The following CFAP299 variants were observed in gnomAD, a reference collection of about 807,000 sequenced individuals.
CFAP299 encodes the protein cilia- and flagella-associated protein 299.
A neutral mutation model predicts 27.0 loss-of-function variants in CFAP299; 21 were observed. That is an observed-to-expected ratio of 0.78 (90% CI 0.55 to 1.12). The LOEUF is 1.12. CFAP299 is among the 50% of genes most tolerant of loss of function. CFAP299 has a pLI of 0.00. For synonymous variants in CFAP299, 104 were observed against 98.1 expected, an observed-to-expected ratio of 1.06 and a Z score of -0.36; for missense variants, 310 against 276.6, an observed-to-expected ratio of 1.12 and a Z score of -0.86.
At chr4:80,492,602 AAC>A (rs1036398007) in intron 2 of CFAP299, among the ~76,000 whole-genome samples, 9 of 152,342 alleles carry the variant, frequency 5.9e-5, no homozygotes, top group African/African-American at 2.2e-4. Flanking sequence ...ATTATTTAAT[AAC>A]ACTAGAATTT....
At chr4:80,539,708 A>G (rs1179071095) in intron 2 of CFAP299, among the ~76,000 whole-genome samples, 3 of 152,206 alleles carry the variant, frequency 2.0e-5, no homozygotes, top group Non-Finnish European at 4.4e-5. Flanking sequence ...AACCTTAGCA[A>G]TTAGCTTGGC....
Position 80,789,261 on chromosome 4 carries a change from G to C in CFAP299, c.334-80732G>C, listed in dbSNP as rs190772344. On this transcript the variant is annotated intron_variant, in intron 3 of 5. Transcript: ENST00000358105. Reference sequence around the variant, plus strand: ...TGTTATTGAAGCTATCCTAACCATTGCAGTCCTAAAATCTGGGCATGCCTT... The same window carrying C: ...TGTTATTGAAGCTATCCTAACCATTCCAGTCCTAAAATCTGGGCATGCCTT... 1.3e-3 allele frequency among the ~76,000 whole-genome samples: 194 copies of C among 152,018 alleles called. 2 individuals carry two copies. The highest frequency in any genetic ancestry group is 4.5e-3 in the African/African-American group (188 of 41,494).
intron 3 of CFAP299, among the ~76,000 whole-genome samples, chr4:80,631,859 G>GCT (rs1739222678): frequency 9.3e-5 from 2 of 21,470 alleles, no homozygotes; most frequent in Admixed American, 6.7e-4. Flanking sequence ...GAATATTTGT[G>GCT]CCCCACCCCC....
intron 2 of CFAP299, among the ~76,000 whole-genome samples, chr4:80,513,492 C>T (rs747696821): frequency 6.6e-6 from 1 of 152,226 alleles, no homozygotes; most frequent in Non-Finnish European, 1.5e-5. Context: ...TAATGTATTT[C>T]CTTCCTGTCA....
chr4:80,337,225 G>T (rs1360736445), intron 1 of CFAP299, among the ~76,000 whole-genome samples: 1 of 152,138 alleles, frequency 6.6e-6, no homozygotes, highest in Non-Finnish European at 1.5e-5. Context: ...TAAACATCTT[G>T]ATAGACTAAA....
chr4:80,771,035 C>G (rs1343590283), intron 3 of CFAP299, among the ~76,000 whole-genome samples: 2 of 152,014 alleles, frequency 1.3e-5, no homozygotes, highest in African/African-American at 4.8e-5. Context: ...GAATCATATC[C>G]CATCGTATTC....
rs561590256 is a variant in CFAP299 at position 80,387,720 on chromosome 4, C to G, written c.242+24836C>G. Reference sequence around the variant, plus strand: ...CACATGCAATGCATTGGAAGGGCTTCTCACCTGTGTGGCTTCAGATGTGCT... The same window carrying G: ...CACATGCAATGCATTGGAAGGGCTTGTCACCTGTGTGGCTTCAGATGTGCT... On this transcript the variant is annotated intron_variant, in intron 2 of 5. Transcript: ENST00000358105. 1.8e-5 allele frequency: 28 copies of G among 1,583,252 alleles called. No homozygotes were observed. The African/African-American group carries it at 3.1e-4, about 17-fold the overall frequency.
chr4:80,468,058 C>T (rs1376382424), intron 2 of CFAP299, among the ~76,000 whole-genome samples: 1 of 152,122 alleles, frequency 6.6e-6, no homozygotes, highest in Non-Finnish European at 1.5e-5. Context: ...AGAGCCAAAC[C>T]ATCCCTATCA....
intron 2 of CFAP299, among the ~76,000 whole-genome samples, chr4:80,385,536 T>G (rs1724927544): frequency 6.6e-6 from 1 of 151,938 alleles, no homozygotes. Context: ...GTGAGGTAGT[T>G]GTATTGTAAG....
At chr4:80,637,218 T>C (rs981341216) in intron 3 of CFAP299, among the ~76,000 whole-genome samples, 1 of 152,188 alleles carries the variant, frequency 6.6e-6, no homozygotes, top group Non-Finnish European at 1.5e-5. Context: ...AAAAGAGGTA[T>C]GGTTAATATC....
At chr4:80,446,036 G>A (rs1380935730) in intron 2 of CFAP299, among the ~76,000 whole-genome samples, 1 of 152,188 alleles carries the variant, frequency 6.6e-6, no homozygotes, top group Non-Finnish European at 1.5e-5. Flanking sequence ...GCGTGCTGGA[G>A]TGGCCAGGAG....
At chr4:80,348,858 GATAAACTAAAT>G (rs1722883127) in intron 1 of CFAP299, among the ~76,000 whole-genome samples, 1 of 152,220 alleles carries the variant, frequency 6.6e-6, no homozygotes, top group Admixed American at 6.5e-5. Context: ...GTCTAAAGGT[GATAAACTAAAT>G]AAGTTTTGCT....
chr4:80,346,275 T>G (rs1166784372), intron 1 of CFAP299, among the ~76,000 whole-genome samples: 1 of 152,222 alleles, frequency 6.6e-6, no homozygotes, highest in African/African-American at 2.4e-5. Flanking sequence ...GCTCTTTAGT[T>G]TAATGAGATC....
At chr4:80,685,528 G>T (rs942727898) in intron 3 of CFAP299, among the ~76,000 whole-genome samples, 1 of 150,876 alleles carries the variant, frequency 6.6e-6, no homozygotes, top group African/African-American at 2.4e-5. Flanking sequence ...GTAAAGAGCT[G>T]TTTTTCATTT....
intron 3 of CFAP299, among the ~76,000 whole-genome samples, chr4:80,770,034 C>G (rs528160079): frequency 6.6e-6 from 1 of 152,250 alleles, no homozygotes; most frequent in South Asian, 2.1e-4. Context: ...ACTTTCAGAG[C>G]TGAGTAGTTT....
At chr4:80,478,066 T>C (rs1342711100) in intron 2 of CFAP299, among the ~76,000 whole-genome samples, 1 of 152,120 alleles carries the variant, frequency 6.6e-6, no homozygotes, top group Admixed American at 6.6e-5. Context: ...GCTCATTTAC[T>C]CCCCCAGAAA....
intron 4 of CFAP299, among the ~76,000 whole-genome samples, chr4:80,876,190 C>T (rs1481820801): frequency 6.6e-6 from 1 of 150,430 alleles, no homozygotes; most frequent in African/African-American, 2.4e-5. Context: ...TTCATTTTCT[C>T]TTTACAACAA....
chr4:80,536,317 C>T (rs959212368), intron 2 of CFAP299, among the ~76,000 whole-genome samples: 1 of 152,112 alleles, frequency 6.6e-6, no homozygotes, highest in Non-Finnish European at 1.5e-5. Context: ...CCCTTATATG[C>T]TCTGATTTAA....
chr4:80,596,108 G>A (rs1385769383), intron 3 of CFAP299, among the ~76,000 whole-genome samples: 4 of 152,032 alleles, frequency 2.6e-5, no homozygotes, highest in Non-Finnish European at 5.9e-5. Flanking sequence ...AGAGAGGAAG[G>A]AAGGGAAGGA....
Sources: allele counts gnomAD v4.1 joint callset (sites outside exome capture counted in the v4.1 genomes callset), GRCh38; gene constraint gnomAD v4.1.1; transcripts MANE v1.5; gene names NCBI Gene and HGNC (gene_info 2026-07-23, HGNC 2026-07-21).